MCTP2: variants seen among roughly 807,000 people sequenced by gnomAD.
MCTP2 encodes the protein multiple C2 and transmembrane domain-containing protein 2.
In MCTP2, 132 loss-of-function variants were observed where a neutral mutation model predicts 111.6. The ratio of observed to expected loss-of-function variants is 1.18; its 90% CI spans 1.03 to 1.37. The LOEUF (loss-of-function observed/expected upper bound fraction) is 1.37, where lower values mean the gene tolerates loss of function less well. Ranked by LOEUF, MCTP2 falls within the 40% of genes most tolerant of loss-of-function variation. The probability of loss-of-function intolerance (pLI) is 0.00; values close to 1 mark genes in which losing one functional copy is unlikely to be tolerated. For missense variants in MCTP2, 1,183 were observed against 1,067.9 expected, an observed-to-expected ratio of 1.11 and a Z score of -1.50; for synonymous variants, 395 against 387.7, an observed-to-expected ratio of 1.02 and a Z score of -0.22.
At chr15:94,236,132 T>C (rs2070523890) in intron 1 of MCTP2, among the ~76,000 whole-genome samples, 1 of 152,008 alleles carries the variant, frequency 6.6e-6, no homozygotes, top group South Asian at 2.1e-4. Flanking sequence ...CGGGGAGTGA[T>C]GTTGGTGATT....
At chr15:94,320,136 T>C (rs2076559765) in intron 4 of MCTP2, among the ~76,000 whole-genome samples, 1 of 125,380 alleles carries the variant, frequency 8.0e-6, no homozygotes, top group South Asian at 2.7e-4. Flanking sequence ...GAATAGTTTA[T>C]TAATCTTTTT....
rs1028580411 is a variant in MCTP2 at position 94,479,886 on chromosome 15, G to A, written c.*852G>A. On this transcript the variant is annotated 3_prime_UTR_variant, in exon 23 of 23. Coordinates refer to ENST00000357742, the MANE Select transcript of MCTP2 (RefSeq NM_001385001.1). ...AATAAATTCTCTAGGTATTTAGAAA[G>A]ATAAGAAACTGAAGACCGAGAGACT... is the stretch of plus-strand genomic sequence containing the variant. The A allele has an allele frequency of 3.3e-5, 5 of 152,146 alleles. No individual in the cohort carries two copies. The highest frequency in any genetic ancestry group is 1.2e-4 in the African/African-American group (5 of 41,416). 9.4% of individuals were successfully genotyped at this position (152,146 alleles called of 1,614,324 possible). A position where few individuals can be genotyped will look rare whatever the true frequency, so the allele number is the denominator to read the frequency against.
In MCTP2 at chr15:94,418,923, G is replaced by T. The variant is rs1285606725; in HGVS notation, c.2085+16904G>T. Reference sequence around the variant, plus strand: ...ACAAAAACTTCATGTCTAGAGCAACGGAGTCTAAAAGCCTCTAATTTATAT... The same window carrying T: ...ACAAAAACTTCATGTCTAGAGCAACTGAGTCTAAAAGCCTCTAATTTATAT... On this transcript the variant is annotated intron_variant, in intron 17 of 22. Coordinates refer to ENST00000357742, the MANE Select transcript of MCTP2 (RefSeq NM_001385001.1). Among the ~76,000 whole-genome samples, 15 of 151,990 alleles carry T rather than the reference G, an allele frequency of 9.9e-5. No individual in the cohort carries two copies. In the South Asian group the frequency reaches 3.1e-3, roughly 32 times the overall value.
chr15:94,300,865 A>C (rs189929521), intron 2 of MCTP2, among the ~76,000 whole-genome samples: 6 of 152,170 alleles, frequency 3.9e-5, no homozygotes, highest in Admixed American at 2.0e-4. Flanking sequence ...TGAAGTGTGG[A>C]TGGGTGCTGT....
intron 4 of MCTP2, 49 bp downstream of exon 4, chr15:94,315,686 C>T (rs771760017): frequency 1.9e-5 from 25 of 1,320,384 alleles, no homozygotes; most frequent in Admixed American, 1.7e-4. Flanking sequence ...ACTTCTTTCT[C>T]TCTGTCCTTG....
At chr15:94,375,541 A>G (rs187876494) in intron 12 of MCTP2, among the ~76,000 whole-genome samples, 1 of 152,244 alleles carries the variant, frequency 6.6e-6, no homozygotes, top group East Asian at 1.9e-4. Context: ...TTCACCCTTG[A>G]GACTTTTTGG....
At chr15:94,291,794 T>A (rs549467536) in intron 1 of MCTP2, among the ~76,000 whole-genome samples, 1 of 152,298 alleles carries the variant, frequency 6.6e-6, no homozygotes, top group South Asian at 2.1e-4. Context: ...CTCAAAGCCA[T>A]AATCTAGGCC....
intron 8 of MCTP2, among the ~76,000 whole-genome samples, chr15:94,348,768 G>T (rs1020991089): frequency 1.3e-5 from 2 of 151,752 alleles, no homozygotes; most frequent in Non-Finnish European, 2.9e-5. Flanking sequence ...GAAGTGTGTT[G>T]TACCTGGAAT....
At chr15:94,421,737 A>T (rs894128217) in intron 17 of MCTP2, among the ~76,000 whole-genome samples, 1 of 152,210 alleles carries the variant, frequency 6.6e-6, no homozygotes, top group Non-Finnish European at 1.5e-5. Context: ...TATTTGTCCC[A>T]CTCAGGTAAT....
At chr15:94,243,838 T>C (rs1445212551) in intron 1 of MCTP2, among the ~76,000 whole-genome samples, 1 of 147,870 alleles carries the variant, frequency 6.8e-6, no homozygotes, top group South Asian at 2.1e-4. Flanking sequence ...TGTATATATT[T>C]ATGTACACAT....
rs1567716901 is a variant in MCTP2, at chr15:94,443,037, T to G, written c.2250+77T>G. 3.9e-6 allele frequency: 4 copies of G among 1,033,794 alleles called. No homozygotes were observed. In the Admixed American group the frequency reaches 1.1e-4, roughly 28 times the overall value. 64.0% of individuals were successfully genotyped at this position (1,033,794 alleles called of 1,614,324 possible). On this transcript the variant is annotated intron_variant, in intron 19 of 22. Coordinates refer to ENST00000357742, the MANE Select transcript of MCTP2 (RefSeq NM_001385001.1). ...AGATAGCATTCCTTCAGGTTGAGTCTCTCTCCTCTCTTTTTTTTTTTTTTT... is the reference window on the plus strand; with the variant it reads ...AGATAGCATTCCTTCAGGTTGAGTCGCTCTCCTCTCTTTTTTTTTTTTTTT...
At chr15:94,441,236 G>A (rs1346993031) in intron 18 of MCTP2, among the ~76,000 whole-genome samples, 1 of 152,136 alleles carries the variant, frequency 6.6e-6, no homozygotes, top group Non-Finnish European at 1.5e-5. Flanking sequence ...GAGTATTGTG[G>A]CAAGAGGAAA....
At chr15:94,444,930 A>G (rs2084032249) in intron 19 of MCTP2, among the ~76,000 whole-genome samples, 1 of 152,162 alleles carries the variant, frequency 6.6e-6, no homozygotes, top group Non-Finnish European at 1.5e-5. Flanking sequence ...CTAGTAAAGG[A>G]GAGTATCCAA....
chr15:94,384,556 C>A (rs2080345348), intron 13 of MCTP2, among the ~76,000 whole-genome samples: 1 of 152,100 alleles, frequency 6.6e-6, no homozygotes, highest in Admixed American at 6.6e-5. Context: ...TCTGAGCGAC[C>A]CATCCCATAG....
intron 9 of MCTP2, 105 bp from the exon 10 acceptor site, chr15:94,358,377 C>G (rs2078743589): frequency 2.9e-6 from 3 of 1,048,338 alleles, no homozygotes; most frequent in Non-Finnish European, 4.1e-6. Context: ...GGGGTGAGGT[C>G]CATCATCTTG....
intron 1 of MCTP2, among the ~76,000 whole-genome samples, chr15:94,238,597 A>G (rs2070723797): frequency 6.6e-6 from 1 of 152,228 alleles, no homozygotes; most frequent in Admixed American, 6.5e-5. Flanking sequence ...TTGTGAATAA[A>G]ACAAATAGAT....
intron 19 of MCTP2, among the ~76,000 whole-genome samples, chr15:94,445,706 T>C (rs576920572): frequency 6.6e-6 from 1 of 152,326 alleles, no homozygotes; most frequent in East Asian, 1.9e-4. Flanking sequence ...ACTGAGCCCT[T>C]CTGGCTTCTG....
At chr15:94,257,463 G>A (rs1289935232) in intron 1 of MCTP2, among the ~76,000 whole-genome samples, 1 of 151,468 alleles carries the variant, frequency 6.6e-6, no homozygotes, top group Non-Finnish European at 1.5e-5. Flanking sequence ...TGTGGTAACA[G>A]TGGTGTATGT....
intron 4 of MCTP2, among the ~76,000 whole-genome samples, chr15:94,318,014 A>G (rs2076451417): frequency 6.6e-6 from 1 of 152,130 alleles, no homozygotes; most frequent in Non-Finnish European, 1.5e-5. Flanking sequence ...ATAGCATTTT[A>G]TGCCTGAAAT....
Sources: allele counts gnomAD v4.1 joint callset (sites outside exome capture counted in the v4.1 genomes callset), GRCh38; gene constraint gnomAD v4.1.1; transcripts MANE v1.5; gene names NCBI Gene and HGNC (gene_info 2026-07-23, HGNC 2026-07-21).